The following LRRC37A variants were observed in gnomAD, a reference collection of about 807,000 sequenced individuals.
The protein encoded by LRRC37A is leucine rich repeat containing 37A.
Under a neutral mutation model 35.4 loss-of-function variants are expected in LRRC37A, and 3 were observed. That is an observed-to-expected ratio of 0.08 (90% CI 0.04 to 0.22). LRRC37A has a LOEUF of 0.22. LRRC37A is among the 10% of genes least tolerant of loss of function. LRRC37A has a pLI of 1.00. For missense variants in LRRC37A, 67 were observed against 565.3 expected, an observed-to-expected ratio of 0.12 and a Z score of 8.94; for synonymous variants, 23 against 215.0, an observed-to-expected ratio of 0.11 and a Z score of 7.81.
At chr17:46,251,139 G>A in the LRRC37A span, among the ~76,000 whole-genome samples, 5 of 152,114 alleles carry the variant, frequency 3.3e-5, no homozygotes, top group Non-Finnish European at 7.3e-5. Flanking sequence ...GAGGTGAATT[G>A]TCTGTTTTAT....
chr17:46,282,533 G>A, the LRRC37A span, among the ~76,000 whole-genome samples: 10 of 151,512 alleles, frequency 6.6e-5, no homozygotes, highest in Non-Finnish European at 1.3e-4. Flanking sequence ...TCCTGCCTCA[G>A]CCTCCCAAGT....
the LRRC37A span, among the ~76,000 whole-genome samples, chr17:46,250,590 A>ATCGGACTCCAAGT: frequency 6.6e-5 from 10 of 152,194 alleles, no homozygotes; most frequent in Non-Finnish European, 1.5e-4. Context: ...ACCCTCCAAC[A>ATCGGACTCCAAGT]TCGGACTCCA....
chr17:46,265,953 C>G, the LRRC37A span, among the ~76,000 whole-genome samples: 1 of 152,204 alleles, frequency 6.6e-6, no homozygotes, highest in Admixed American at 6.5e-5. Context: ...AAAAATTAGC[C>G]TGGCATGGTG....
the LRRC37A span, among the ~76,000 whole-genome samples, chr17:46,249,185 T>G: frequency 6.6e-6 from 1 of 152,074 alleles, no homozygotes; most frequent in Non-Finnish European, 1.5e-5. Context: ...TTCACTCCTT[T>G]TTATTGCTCA....
At chr17:46,256,883 G>A in the LRRC37A span, among the ~76,000 whole-genome samples, 2 of 152,126 alleles carry the variant, frequency 1.3e-5, no homozygotes, top group Non-Finnish European at 2.9e-5. Context: ...TGGAAGAAGT[G>A]GTGAAGAAGG....
the LRRC37A span, among the ~76,000 whole-genome samples, chr17:46,251,613 C>T: frequency 5.3e-5 from 8 of 149,940 alleles, no homozygotes; most frequent in East Asian, 3.8e-4. Context: ...GATGACCAGC[C>T]GAAAATGTCA....
At chr17:46,262,493 G>A in the LRRC37A span, among the ~76,000 whole-genome samples, 3 of 152,232 alleles carry the variant, frequency 2.0e-5, no homozygotes, top group African/African-American at 7.2e-5. Flanking sequence ...GATTAAGGGC[G>A]TGAGCCACTG....
chr17:46,317,196 G>C (rs3096456), intron 5 of LRRC37A, among the ~76,000 whole-genome samples: 1 of 59,000 alleles, frequency 1.7e-5, no homozygotes, highest in African/African-American at 4.1e-5. Flanking sequence ...TGCCCAGTTA[G>C]TTTTAAATTT....
rs1363837878 is a variant in LRRC37A, at chr17:46,323,296, A to G, written c.3053+269A>G. ...CCACCATCAGCCCCTGTTAGCTACTAATCTGATTTCTGTTCCTATACTTTT... is the reference window on the plus strand; with the variant it reads ...CCACCATCAGCCCCTGTTAGCTACTGATCTGATTTCTGTTCCTATACTTTT... On this transcript the variant is annotated intron_variant, in intron 7 of 13. Coordinates refer to ENST00000320254, the Ensembl canonical transcript of LRRC37A. Among the ~76,000 whole-genome samples the G allele has an allele frequency of 3.5e-5, 2 of 56,898 alleles. 1 individual carries two copies. The highest frequency in any genetic ancestry group is 8.3e-5 in the Non-Finnish European group (2 of 24,100). 37.3% of individuals were successfully genotyped at this position (56,898 alleles called of 152,430 possible). A position where few individuals can be genotyped will look rare whatever the true frequency, so the allele number is the denominator to read the frequency against.
At chr17:46,277,332 C>G in the LRRC37A span, among the ~76,000 whole-genome samples, 2 of 152,198 alleles carry the variant, frequency 1.3e-5, no homozygotes, top group African/African-American at 4.8e-5. Context: ...CAAGCAACTT[C>G]CTCTCCTTCA....
In LRRC37A at chr17:46,314,849, C is replaced by T. The variant is rs1177365313; in HGVS notation, c.2907-7473C>T. 2.5e-5 allele frequency among the ~76,000 whole-genome samples: 2 copies of T among 81,598 alleles called. 1 individual carries two copies. The highest frequency in any genetic ancestry group is 7.4e-5 in the Non-Finnish European group (2 of 26,858). The allele number at this position is 81,598 out of a possible 152,430, so 53.5% of individuals were successfully genotyped here. On this transcript the variant is annotated intron_variant, in intron 5 of 13. Transcript: ENST00000320254. ...TTGGATACCAGGTTAATATCACCCT[C>T]ATAGAATAAGTTAGGAAATGTTCTC...
At chr17:46,261,787 A>G in the LRRC37A span, among the ~76,000 whole-genome samples, 19,476 of 152,072 alleles carry the variant, frequency 0.13, 5 homozygotes, top group Middle Eastern at 0.2. Flanking sequence ...AGTATGGGAA[A>G]ATATTAAGAT....
the LRRC37A span, among the ~76,000 whole-genome samples, chr17:46,275,978 C>A: frequency 0.12 from 18,484 of 152,052 alleles, 1 homozygote; most frequent in Non-Finnish European, 0.18. Flanking sequence ...GCAACCTCTG[C>A]CTCCCAGATT....
Position 46,321,914 on chromosome 17 carries a change from CAAAAAAAA to C in LRRC37A, c.2907-393_2907-386del, listed in dbSNP as rs1263117066. The stretch of plus-strand genomic sequence containing the variant: ...GGGCAACAAGAGCGAGACTCCATCT[CAAAAAAAA>C]AAAAAAAAAAAAAATAGATGAACAA... On this transcript the variant is annotated intron_variant, in intron 5 of 13. Transcript: ENST00000320254. 1.3e-3 allele frequency among the ~76,000 whole-genome samples: 14 copies of C among 10,980 alleles called. 4 individuals are homozygous for C. The Admixed American group carries it at 0.015, about 12-fold the overall frequency. 7.2% of individuals were successfully genotyped at this position (10,980 alleles called of 152,430 possible).
chr17:46,254,411 TTATC>T, the LRRC37A span, among the ~76,000 whole-genome samples: 5 of 147,430 alleles, frequency 3.4e-5, no homozygotes, highest in East Asian at 2.1e-4. Context: ...ATTTATTTAT[TTATC>T]TATCTATTTA....
At chr17:46,285,854 C>A in the LRRC37A span, among the ~76,000 whole-genome samples, 4 of 152,230 alleles carry the variant, frequency 2.6e-5, no homozygotes, top group Non-Finnish European at 4.4e-5. Flanking sequence ...CAAAATTATG[C>A]CAGCTGATTT....
chr17:46,254,818 A>C, the LRRC37A span, among the ~76,000 whole-genome samples: 1 of 150,962 alleles, frequency 6.6e-6, no homozygotes, highest in East Asian at 2.0e-4. Flanking sequence ...GATTGCAGAC[A>C]TAAGCCACCG....
chr17:46,276,139 C>T, the LRRC37A span, among the ~76,000 whole-genome samples: 18,485 of 152,286 alleles, frequency 0.12, 5 homozygotes, highest in Non-Finnish European at 0.18. Flanking sequence ...GATCCGCCCG[C>T]CTCGGCCTCC....
At chr17:46,269,237 A>G in the LRRC37A span, among the ~76,000 whole-genome samples, 1 of 152,232 alleles carries the variant, frequency 6.6e-6, no homozygotes, top group Non-Finnish European at 1.5e-5. Flanking sequence ...AAAATTTTAC[A>G]CTTAAAAAGT....
Sources: gnomAD v4.1 joint callset for allele counts (sites outside exome capture counted in the v4.1 genomes callset) on GRCh38, gnomAD v4.1.1 for gene constraint, MANE v1.5 for transcripts, NCBI Gene and HGNC (gene_info 2026-07-23, HGNC 2026-07-21) for gene names.